Variants in SNTG1 observed in about 807,000 individuals in gnomAD.
The protein encoded by SNTG1 is syntrophin gamma 1, also known as gamma-1-syntrophin.
A neutral mutation model predicts 74.7 loss-of-function variants in SNTG1; 39 were observed. That is an observed-to-expected ratio of 0.52 (90% CI 0.40 to 0.68). The LOEUF is 0.68. Ranked by LOEUF, SNTG1 falls within the 30% of genes least tolerant of loss-of-function variation. SNTG1 has a pLI of 0.00. For missense variants in SNTG1, 685 were observed against 609.5 expected (o/e 1.12, Z -1.30); for synonymous variants, 254 against 217.1 (o/e 1.17, Z -1.49).
intron 18 of SNTG1, among the ~76,000 whole-genome samples, chr8:50,788,807 C>T (rs770932369): frequency 4.0e-5 from 6 of 151,896 alleles, no homozygotes; most frequent in Non-Finnish European, 7.4e-5. Flanking sequence ...AATCTACCCA[C>T]CTTCCTTGAG....
intron 1 of SNTG1, among the ~76,000 whole-genome samples, chr8:49,948,808 T>C (rs921153793): frequency 6.6e-5 from 10 of 152,212 alleles, no homozygotes; most frequent in African/African-American, 2.4e-4. Flanking sequence ...AGTCTTTTGC[T>C]GAGGCACTGG....
intron 8 of SNTG1, among the ~76,000 whole-genome samples, chr8:50,486,904 A>T (rs554318318): frequency 3.3e-5 from 5 of 152,336 alleles, no homozygotes; most frequent in South Asian, 4.1e-4. Flanking sequence ...ATCTATTGAG[A>T]TAATCATGTG....
intron 1 of SNTG1, among the ~76,000 whole-genome samples, chr8:50,052,862 G>T (rs1309743222): frequency 1.3e-5 from 2 of 152,092 alleles, no homozygotes; most frequent in African/African-American, 4.8e-5. Context: ...ACCACATTGA[G>T]CTATCACTTT....
At chr8:50,469,131 C>T (rs1355908219) in intron 8 of SNTG1, among the ~76,000 whole-genome samples, 1 of 151,756 alleles carries the variant, frequency 6.6e-6, no homozygotes, top group Non-Finnish European at 1.5e-5. Flanking sequence ...TGTCATTTTT[C>T]TAATCCCTGT....
chr8:50,039,487 A>C (rs1818453357), intron 1 of SNTG1, among the ~76,000 whole-genome samples: 1 of 146,674 alleles, frequency 6.8e-6, no homozygotes, highest in East Asian at 2.1e-4. Flanking sequence ...AAAAAAACTC[A>C]AGTTAATTCC....
In SNTG1 at chr8:50,593,096, A is replaced by AC. The variant is rs1463606615; in HGVS notation, c.849+2179_849+2180insC. On this transcript the variant is annotated intron_variant, in intron 13 of 18. Transcript: ENST00000642720. ...CCCTCATATTCCTGATGTTCTAGGT[A>AC]TCAAAACAGAAATTAAAAGTCACCC... Among the ~76,000 whole-genome samples, 645 of 152,324 alleles carry AC rather than the reference A, an allele frequency of 4.2e-3. 9 individuals are homozygous for AC. The highest frequency in any genetic ancestry group is 0.014 in the African/African-American group (583 of 41,570).
intron 1 of SNTG1, among the ~76,000 whole-genome samples, chr8:49,972,985 G>A (rs1004739833): frequency 7.9e-5 from 12 of 152,214 alleles, no homozygotes; most frequent in East Asian, 1.9e-4. Context: ...AACTAGAAAT[G>A]CCATTTGACC....
At chr8:50,144,078 C>T (rs1480030127) in intron 1 of SNTG1, among the ~76,000 whole-genome samples, 3 of 152,146 alleles carry the variant, frequency 2.0e-5, no homozygotes, top group African/African-American at 7.2e-5. Flanking sequence ...CAGTCACACA[C>T]ATTCACTTCC....
chr8:50,597,011 C>T (rs972998231), intron 13 of SNTG1, among the ~76,000 whole-genome samples: 2 of 151,858 alleles, frequency 1.3e-5, no homozygotes, highest in African/African-American at 4.8e-5. Context: ...TCAGAACTTA[C>T]TCTTCCTGTG....
At chr8:50,431,792 T>C (rs1356564906) in intron 4 of SNTG1, among the ~76,000 whole-genome samples, 3 of 152,224 alleles carry the variant, frequency 2.0e-5, no homozygotes, top group Non-Finnish European at 4.4e-5. Flanking sequence ...ATGTTGAACA[T>C]GTCTTCATAG....
intron 1 of SNTG1, among the ~76,000 whole-genome samples, chr8:50,123,003 T>A (rs2081044619): frequency 7.0e-6 from 1 of 142,668 alleles, no homozygotes; most frequent in Admixed American, 7.2e-5. Flanking sequence ...TCTAGCATAC[T>A]GTGACAGATT....
intron 18 of SNTG1, among the ~76,000 whole-genome samples, chr8:50,768,747 A>G (rs2095619863): frequency 6.6e-6 from 1 of 152,076 alleles, no homozygotes; most frequent in African/African-American, 2.4e-5. Context: ...AGGATGAGGC[A>G]GAGCATCTGC....
chr8:50,317,183 A>G (rs1157193346), intron 2 of SNTG1, among the ~76,000 whole-genome samples: 1 of 152,160 alleles, frequency 6.6e-6, no homozygotes, highest in East Asian at 1.9e-4. Context: ...CTGGGAGGGT[A>G]AGCTTCAACC....
Position 50,119,985 on chromosome 8 carries a change from T to C in SNTG1, c.-102-52576T>C, listed in dbSNP as rs531714585. ...AATTACTTATCATCAGTTTTGTTCA[T>C]GATAATTTAGTTTCTTGCCTTGAGA... On this transcript the variant is annotated intron_variant, in intron 1 of 18. Transcript: ENST00000642720. Among the ~76,000 whole-genome samples the C allele has an allele frequency of 2.6e-4, 37 of 142,294 alleles. 4 individuals are homozygous for C. Among genetic ancestry groups the C allele is most frequent in the African/African-American group, 8.6e-4 (34 of 39,496 alleles). 93.4% of individuals were successfully genotyped at this position (142,294 alleles called of 152,430 possible).
At chr8:50,665,451 T>C (rs1452071153) in intron 15 of SNTG1, among the ~76,000 whole-genome samples, 1 of 152,020 alleles carries the variant, frequency 6.6e-6, no homozygotes, top group Non-Finnish European at 1.5e-5. Flanking sequence ...TGTATGCAGC[T>C]GTACCTTACT....
intron 1 of SNTG1, among the ~76,000 whole-genome samples, chr8:50,044,446 T>C (rs1241342553): frequency 6.6e-6 from 1 of 152,160 alleles, no homozygotes; most frequent in Admixed American, 6.5e-5. Flanking sequence ...AATAACATAG[T>C]TGTGATATTA....
Position 50,792,752 on chromosome 8 carries a change from C to G in SNTG1, c.1477C>G (p.Leu493Val). 2 of 1,612,684 alleles carry G rather than the reference C, an allele frequency of 1.2e-6. No individual in the cohort carries two copies. The highest frequency in any genetic ancestry group is 1.7e-6 in the Non-Finnish European group (2 of 1,179,000). The change falls in exon 19 of 19, where the codon CTA (leucine) becomes GTA (valine). Residue 493 changes from leucine to valine, a missense_variant. Physicochemically the swap from Leu to Val is conservative, Grantham distance 32 (BLOSUM62 1). Coordinates refer to ENST00000642720, the MANE Select transcript of SNTG1 (RefSeq NM_018967.5). ...TGCCAAGGTAGCTTGTTTGGACCCT[C>G]TATTTTTAGGCAATCAAGCTACTGC... The part of the protein sequence containing the change: ...FAAKVACLDP[L>V]FLGNQATAST...
chr8:49,938,655 T>TCTCTATTCCTTCCTTCCTTCCTTCCCTCC (rs2129370983), intron 1 of SNTG1, among the ~76,000 whole-genome samples: 1 of 66,470 alleles, frequency 1.5e-5, no homozygotes, highest in South Asian at 6.8e-4. Flanking sequence ...TTCCTCTCTC[T>TCTCTATTCCTTCCTTCCTTCCTTCCCTCC]CTCTCTTCCT....
intron 12 of SNTG1, among the ~76,000 whole-genome samples, chr8:50,578,261 G>T (rs1563602104): frequency 6.6e-6 from 1 of 152,162 alleles, no homozygotes; most frequent in Non-Finnish European, 1.5e-5. Context: ...TGGCAGATAT[G>T]GTTTTGATTA....
Sources: gnomAD v4.1 joint callset for allele counts (sites outside exome capture counted in the v4.1 genomes callset) on GRCh38, gnomAD v4.1.1 for gene constraint, MANE v1.5 for transcripts, NCBI Gene and HGNC (gene_info 2026-07-23, HGNC 2026-07-21) for gene names.